The following LTK variants were observed in gnomAD, a reference collection of about 807,000 sequenced individuals.
The protein encoded by LTK is leukocyte receptor tyrosine kinase.
Under a neutral mutation model 101.5 loss-of-function variants are expected in LTK, and 117 were observed. The observed-to-expected ratio is 1.15, with a 90% CI of 0.99 to 1.34. The LOEUF (loss-of-function observed/expected upper bound fraction) is 1.34. Ranked by LOEUF, LTK falls within the 40% of genes most tolerant of loss-of-function variation. The pLI is 0.00. For synonymous variants in LTK, 563 were observed against 494.2 expected (o/e 1.14, Z -1.85); for missense variants, 1,252 against 1,164.7 (o/e 1.07, Z -1.09).
At chr15:41,512,065 G>A in intron 4 of LTK, 50 bp downstream of exon 4, 1 of 1,522,650 alleles carries the variant, frequency 6.6e-7, no homozygotes. Context: ...CCCCCAGGCA[G>A]CCCTCGCCCC....
rs1487083589 is a variant in LTK, at chr15:41,508,228, G to A, written c.1097-7C>T. 6.2e-7 allele frequency: 1 copy of A among 1,608,160 alleles called. No individual in the cohort carries two copies. The stretch of plus-strand genomic sequence containing the variant: ...TCTCCGTGGTTCTCGGTGACTGTGA[G>A]TAAAAGAACTGATATGATATGGTGT... On this transcript the variant is annotated splice_polypyrimidine_tract_variant and splice_region_variant and intron_variant, in intron 8 of 19. Transcript: ENST00000263800.
Position 41,511,641 on chromosome 15 carries a change from G to C in LTK, c.658-63C>G. On this transcript the variant is annotated intron_variant, in intron 5 of 19. Coordinates refer to ENST00000263800, the MANE Select transcript of LTK (RefSeq NM_002344.6). The surrounding 1 kb of genome is among the most constrained non-coding windows in gnomAD (Gnocchi z 5.9). ...AGCTGTCCAGGGGCACTGCCACTGGGAGAGGGCTCCCGCCCAGGGGGCCTG... is the reference window on the plus strand; with the variant it reads ...AGCTGTCCAGGGGCACTGCCACTGGCAGAGGGCTCCCGCCCAGGGGGCCTG... The C allele has an allele frequency of 1.4e-6, 2 of 1,402,524 alleles. No individual in the cohort carries two copies. Among genetic ancestry groups the C allele is most frequent in the Non-Finnish European group, 1.8e-6 (2 of 1,088,736 alleles). The allele number at this position is 1,402,524 out of a possible 1,614,324, so 86.9% of individuals were successfully genotyped here.
chr15:41,503,898 G>C lies in LTK; in HGVS notation c.*98C>G. On this transcript the variant is annotated 3_prime_UTR_variant, in exon 20 of 20. Coordinates refer to ENST00000263800, the MANE Select transcript of LTK (RefSeq NM_002344.6). ...CCAGACACACAGCACAGACTGCAGG[G>C]AACAGAGGCCGCTGGCATAACAGGC... 7.3e-7 allele frequency: 1 copy of C among 1,364,692 alleles called. No individual in the cohort carries two copies. The allele number at this position is 1,364,692 out of a possible 1,614,324, so 84.5% of individuals were successfully genotyped here. A position where few individuals can be genotyped will look rare whatever the true frequency, so the allele number is the denominator to read the frequency against.
intron 16 of LTK, 48 bp downstream of exon 16, chr15:41,504,924 G>C: frequency 6.3e-7 from 1 of 1,598,166 alleles, no homozygotes; most frequent in Non-Finnish European, 8.5e-7. Flanking sequence ...CAAGGTGCGG[G>C]GAAAACCCCC....
Position 41,513,808 on chromosome 15 carries a change from A to G in LTK, c.-99T>C, listed in dbSNP as rs568943171. On this transcript the variant is annotated 5_prime_UTR_variant, in exon 1 of 20. Coordinates refer to ENST00000263800, the MANE Select transcript of LTK (RefSeq NM_002344.6). ...TCATTTTGCCACGGCAGCCCTGGCC[A>G]CCACTTACAGGGGTGTGCTGCCGCT... The G allele has an allele frequency of 3.2e-3, 3,493 of 1,086,788 alleles. 17 individuals are homozygous for G. Among genetic ancestry groups the G allele is most frequent in the African/African-American group, 0.013 (833 of 64,890 alleles). The allele number at this position is 1,086,788 out of a possible 1,614,324, so 67.3% of individuals were successfully genotyped here.
Position 41,512,268 on chromosome 15 carries a change from G to C in LTK, c.360-3C>G. The C allele has an allele frequency of 6.2e-7, 1 of 1,610,748 alleles. No individual in the cohort carries two copies. Among genetic ancestry groups the C allele is most frequent in the Non-Finnish European group, 8.5e-7 (1 of 1,178,680 alleles). ...CCGCGGCTCCGTAGGCTGAGATCCTGCGGGGAACGGACGGTGAGTCCCCGG... is the reference window on the plus strand; with the variant it reads ...CCGCGGCTCCGTAGGCTGAGATCCTCCGGGGAACGGACGGTGAGTCCCCGG... On this transcript the variant is annotated splice_region_variant and splice_polypyrimidine_tract_variant and intron_variant, in intron 3 of 19. Coordinates refer to ENST00000263800, the MANE Select transcript of LTK (RefSeq NM_002344.6).
At position 41,505,505 on chromosome 15, in the gene LTK, G is replaced by A. The variant is rs762580094; in HGVS notation, c.1723C>T (p.Arg575Trp). ...ISKFRHQNIV[R>W]CVGLSLRATP... is the part of the protein sequence containing the mutation. ...GCCCTGAGGCTGAGCCCCACACACC[G>A]CACAATGTTCTGATGGCGAAACTTG... Residue 575 changes from arginine (R) to tryptophan (W), a missense_variant, in exon 14 of 20, where the codon CGG (arginine) becomes TGG (tryptophan). Arg to Trp is a moderately radical substitution (Grantham distance 101). Coordinates refer to ENST00000263800, the MANE Select transcript of LTK (RefSeq NM_002344.6). 34 of 1,613,960 alleles carry A rather than the reference G, an allele frequency of 2.1e-5. No homozygotes were observed. In the East Asian group the frequency reaches 2.9e-4, roughly 14 times the overall value.
chr15:41,506,569 T>C (rs2140705359), intron 11 of LTK, among the ~76,000 whole-genome samples: 1 of 151,522 alleles, frequency 6.6e-6, no homozygotes, highest in Admixed American at 6.6e-5. Flanking sequence ...CCTCCCAAAG[T>C]GCTGAGATTA....
Position 41,509,118 on chromosome 15 carries a change from A to G in LTK, c.1009T>C (p.Ser337Pro), listed in dbSNP as rs2051375948. 1 of 1,611,132 alleles carries G rather than the reference A, an allele frequency of 6.2e-7. No homozygotes were observed. Among genetic ancestry groups the G allele is most frequent in the Non-Finnish European group, 8.5e-7 (1 of 1,177,322 alleles). The change falls in exon 8 of 20, where the codon TCA becomes CCA. Residue 337 changes from serine (S) to proline (P), a missense_variant. By Grantham distance (74) the Ser-to-Pro change is moderately conservative. Transcript: ENST00000263800. ...GGGGYRGGDASETDNLWADGE... is the reference protein window; with the variant it reads ...GGGGYRGGDAPETDNLWADGE... ...TCAGCCCAGAGGTTGTCAGTCTCTG[A>G]AGCGTCGCCCCCTGGAAGTGGAGAG...
At chr15:41,512,574 A>G in intron 3 of LTK, 133 bp downstream of exon 3, 6 of 1,189,998 alleles carry the variant, frequency 5.0e-6, no homozygotes, top group Non-Finnish European at 6.8e-6. Context: ...TGCCACCTTG[A>G]AGGGCACTCA....
chr15:41,505,724 G>T lies in LTK; in HGVS notation c.1686C>A (p.Ala562=). ...PQDELDFLME[A]LIISKFRHQN... The stretch of plus-strand genomic sequence containing the variant: ...GGTCCCAGGTGCACCTGATGATGAG[G>T]GCCTCCATGAGGAAATCCAGCTCAT... Residue 562 remains alanine (A), a synonymous_variant, in exon 13 of 20, where the codon GCC becomes GCA. Coordinates refer to ENST00000263800, the MANE Select transcript of LTK (RefSeq NM_002344.6). 6.2e-7 allele frequency: 1 copy of T among 1,613,854 alleles called. No homozygotes were observed. Among genetic ancestry groups the T allele is most frequent in the Non-Finnish European group, 8.5e-7 (1 of 1,179,950 alleles).
Position 41,511,667 on chromosome 15 carries a change from G to A in LTK, c.658-89C>T. 1 of 1,400,340 alleles carries A rather than the reference G, an allele frequency of 7.1e-7. No individual in the cohort carries two copies. The highest frequency in any genetic ancestry group is 9.2e-7 in the Non-Finnish European group (1 of 1,086,318). 86.7% of individuals were successfully genotyped at this position (1,400,340 alleles called of 1,614,324 possible). A position where few individuals can be genotyped will look rare whatever the true frequency, so the allele number is the denominator to read the frequency against. ...AGAGGGCTCCCGCCCAGGGGGCCTG[G>A]ATAAGGGCAGGGGCCCCCAGCCCAG... On this transcript the variant is annotated intron_variant, in intron 5 of 19. Transcript: ENST00000263800. This position sits in a 1 kb window ranked among gnomAD's most constrained non-coding sequence, Gnocchi z 5.9.
chr15:41,511,582 T>C lies in LTK; in HGVS notation c.658-4A>G. On this transcript the variant is annotated splice_region_variant and splice_polypyrimidine_tract_variant and intron_variant, in intron 5 of 19. Transcript: ENST00000263800. The surrounding 1 kb of genome is among the most constrained non-coding windows in gnomAD (Gnocchi z 5.9). ...GTTCCAGCTCGCCAGCGCGCACCTGTGGGGCCAGCGGCGTGTTCCAGGAAG... is the reference window on the plus strand; with the variant it reads ...GTTCCAGCTCGCCAGCGCGCACCTGCGGGGCCAGCGGCGTGTTCCAGGAAG... 3 of 1,439,630 alleles carry C rather than the reference T, an allele frequency of 2.1e-6. No individual in the cohort carries two copies. In the South Asian group the frequency reaches 4.5e-5, roughly 22 times the overall value. The allele number at this position is 1,439,630 out of a possible 1,614,324, so 89.2% of individuals were successfully genotyped here.
In LTK at chr15:41,505,527, C is replaced by G. The variant is rs1178462961; in HGVS notation, c.1701G>C (p.Lys567Asn). The change falls in exon 14 of 20, where the codon AAG becomes AAC. Residue 567 changes from lysine (K) to asparagine (N), a missense_variant. Lys to Asn is a moderately conservative substitution (Grantham distance 94). Coordinates refer to ENST00000263800, the MANE Select transcript of LTK (RefSeq NM_002344.6). ...DFLMEALIIS[K>N]FRHQNIVRCV... ...ACCGCACAATGTTCTGATGGCGAAA[C>G]TTGCTGAGTGGGGTGGGGGACATAT... The G allele has an allele frequency of 1.9e-6, 3 of 1,613,804 alleles. No homozygotes were observed. In the African/African-American group the frequency reaches 4.0e-5, roughly 22 times the overall value.
intron 12 of LTK, 37 bp from the exon 13 acceptor site, chr15:41,505,814 G>C: frequency 6.2e-7 from 1 of 1,609,162 alleles, no homozygotes; most frequent in Non-Finnish European, 8.5e-7. Context: ...GAGCTGCCCT[G>C]CACGCTTCAG....
At position 41,511,162 on chromosome 15, in the gene LTK, AC is replaced by A. The variant is rs769888370; in HGVS notation, c.997+1del. On this transcript the variant is annotated splice_donor_variant, in intron 7 of 19. Transcript: ENST00000263800. LOFTEE classifies it high-confidence loss of function. The surrounding 1 kb of genome is among the most constrained non-coding windows in gnomAD (Gnocchi z 5.9). ...AGCTGCCCTCTCCAACGGTGCACCT[AC>A]CCCTGTAGCCGCCGCCGCCTCCGCC... 1.4e-6 allele frequency: 2 copies of A among 1,402,062 alleles called. No individual in the cohort carries two copies. The highest frequency in any genetic ancestry group is 2.9e-5 in the East Asian group (1 of 34,554). The allele number at this position is 1,402,062 out of a possible 1,614,324, so 86.9% of individuals were successfully genotyped here. A position where few individuals can be genotyped will look rare whatever the true frequency, so the allele number is the denominator to read the frequency against.
In LTK at chr15:41,513,603, C is replaced by T. The variant is rs1397785552; in HGVS notation, c.43+64G>A. The T allele has an allele frequency of 4.0e-6, 6 of 1,492,028 alleles. No homozygotes were observed. In the African/African-American group the frequency reaches 6.9e-5, roughly 17 times the overall value. 92.4% of individuals were successfully genotyped at this position (1,492,028 alleles called of 1,614,324 possible). A position where few individuals can be genotyped will look rare whatever the true frequency, so the allele number is the denominator to read the frequency against. ...CACTGACACCTGGCCTGTTGACCGG[C>T]CACCCCCAAGCCTAGGAAAGTGCCT... is the stretch of plus-strand genomic sequence containing the variant. On this transcript the variant is annotated intron_variant, in intron 1 of 19. Coordinates refer to ENST00000263800, the MANE Select transcript of LTK (RefSeq NM_002344.6).
intron 7 of LTK, among the ~76,000 whole-genome samples, chr15:41,509,453 G>A (rs2051385772): frequency 6.6e-6 from 1 of 152,216 alleles, no homozygotes; most frequent in Admixed American, 6.5e-5. Context: ...ATTTACACTA[G>A]TTATTTGATC....
chr15:41,512,280 C>T lies in LTK; in HGVS notation c.360-15G>A. The T allele has an allele frequency of 2.5e-6, 4 of 1,606,546 alleles. No individual in the cohort carries two copies. Among genetic ancestry groups the T allele is most frequent in the Non-Finnish European group, 3.4e-6 (4 of 1,176,102 alleles). On this transcript the variant is annotated splice_polypyrimidine_tract_variant and intron_variant, in intron 3 of 19. Coordinates refer to ENST00000263800, the MANE Select transcript of LTK (RefSeq NM_002344.6). ...AGGCTGAGATCCTGCGGGGAACGGA[C>T]GGTGAGTCCCCGGCCTTCGGTGCTC...
Sources: allele counts gnomAD v4.1 joint callset (sites outside exome capture counted in the v4.1 genomes callset), GRCh38; gene constraint gnomAD v4.1.1; non-coding constraint Gnocchi (gnomAD v3.1); transcripts MANE v1.5; gene names NCBI Gene and HGNC (gene_info 2026-07-23, HGNC 2026-07-21).